Variants in LYG2 observed in about 807,000 individuals in gnomAD.
LYG2 encodes the protein lysozyme g2, also known as lysozyme g-like protein 2.
LYG2 carries 25 observed loss-of-function variants against 22.4 expected under a neutral mutation model. The observed-to-expected ratio is 1.12, with a 90% CI of 0.81 to 1.56. The LOEUF (loss-of-function observed/expected upper bound fraction) is 1.56, where lower values mean the gene tolerates loss of function less well. LYG2 is among the 40% of genes most tolerant of loss of function. The pLI is 0.00. For missense variants in LYG2, 266 were observed against 269.5 expected, an observed-to-expected ratio of 0.99 and a Z score of 0.09; for synonymous variants, 88 against 97.0, an observed-to-expected ratio of 0.91 and a Z score of 0.55.
chr2:99,258,961 A>T (rs543314900), upstream of LYG2, among the ~76,000 whole-genome samples: 72 of 152,360 alleles, frequency 4.7e-4, no homozygotes, highest in Admixed American at 1.4e-3. Context: ...ATTGGTAAAC[A>T]TCTTTACACA....
intron 3 of LYG2, 125 bp downstream of exon 3, chr2:99,254,093 A>C: frequency 2.4e-6 from 2 of 847,884 alleles, no homozygotes; most frequent in Non-Finnish European, 4.0e-6. Flanking sequence ...ATTAATGGCC[A>C]AGCTGGTCAG....
chr2:99,243,693 C>CTTTTTTTT (rs999579137), intron 6 of LYG2: 39 of 157,096 alleles, frequency 2.5e-4, no homozygotes, highest in East Asian at 3.3e-4. Context: ...CCATGCCCAG[C>CTTTTTTTT]TTTTTTTTTT....
chr2:99,246,833 A>G lies in LYG2; in HGVS notation c.44-13T>C. 6.2e-7 allele frequency: 1 copy of G among 1,605,318 alleles called. No individual in the cohort carries two copies. Among genetic ancestry groups the G allele is most frequent in the Admixed American group, 1.7e-5 (1 of 57,324 alleles). On this transcript the variant is annotated splice_polypyrimidine_tract_variant and intron_variant, in intron 3 of 6. Transcript: ENST00000333017. ...CCCCTGGAAGTGCCTAGGAGGCAGA[A>G]GTGTAACTCACATGAATCCTCTGAG... is the stretch of plus-strand genomic sequence containing the variant.
intron 6 of LYG2, chr2:99,243,436 G>T: frequency 6.5e-7 from 1 of 1,549,772 alleles, no homozygotes; most frequent in East Asian, 2.4e-5. Flanking sequence ...CAGACAATTT[G>T]GAAAGTTGTT....
chr2:99,243,469 A>G (rs2094009792), intron 6 of LYG2: 2 of 1,548,570 alleles, frequency 1.3e-6, no homozygotes, highest in Admixed American at 2.0e-5. Context: ...TAACAGGAAA[A>G]AACCTATGAG....
chr2:99,244,007 T>C lies in LYG2; in HGVS notation c.512A>G (p.His171Arg). ...KKFPTWSVAQ[H>R]LKGGLSAFKS... ...CTCAGAATACAGCCTACCTTTGAGG[T>C]GCTGAGCAACACTCCACGTGGGGAA... The change falls in exon 6 of 7, where the codon CAC (histidine) becomes CGC (arginine). Residue 171 changes from histidine (H) to arginine (R), a missense_variant. His to Arg is a conservative substitution (Grantham distance 29, BLOSUM62 0). Coordinates refer to ENST00000333017, the MANE Select transcript of LYG2 (RefSeq NM_175735.4). The C allele has an allele frequency of 6.2e-7, 1 of 1,614,066 alleles. No homozygotes were observed. Among genetic ancestry groups the C allele is most frequent in the Non-Finnish European group, 8.5e-7 (1 of 1,180,000 alleles).
intron 4 of LYG2, 21 bp downstream of exon 4, chr2:99,246,659 T>C: frequency 6.2e-7 from 1 of 1,603,934 alleles, no homozygotes; most frequent in Non-Finnish European, 8.5e-7. Context: ...AAGCCAGTCA[T>C]TTGCTCTGCT....
chr2:99,242,543 G>T, intron 6 of LYG2, 61 bp from the exon 7 acceptor site: 1 of 1,147,854 alleles, frequency 8.7e-7, no homozygotes, highest in Non-Finnish European at 1.3e-6. Context: ...TAAGCAATGA[G>T]CATTGCCAAG....
At position 99,244,072 on chromosome 2, in the gene LYG2, A is replaced by G; in HGVS notation, c.447T>C (p.Thr149=). Residue 149 remains threonine (T), a synonymous_variant, in exon 6 of 7, where the codon ACT becomes ACC. Coordinates refer to ENST00000333017, the MANE Select transcript of LYG2 (RefSeq NM_175735.4). ...CCTTAATTCTCTCTGTTAGAATCCC[A>G]GTAGCCTGTGAAAGGTGCTCTTTGC... is the stretch of plus-strand genomic sequence containing the variant. ...WDSKEHLSQA[T]GILTERIKAI... 1 of 1,614,084 alleles carries G rather than the reference A, an allele frequency of 6.2e-7. No homozygotes were observed. The highest frequency in any genetic ancestry group is 8.5e-7 in the Non-Finnish European group (1 of 1,179,980).
chr2:99,245,419 C>G lies in LYG2; in HGVS notation c.224G>C (p.Arg75Thr), dbSNP rs1292720244. The change falls in exon 5 of 7, where the codon AGG becomes ACG. Residue 75 changes from arginine to threonine, a missense_variant. Coordinates refer to ENST00000333017, the MANE Select transcript of LYG2 (RefSeq NM_175735.4). ...GSEMFAEMDL[R>T]AIKPYQTLIK... ...CAGAGTCTGGTAAGGTTTTATGGCC[C>G]TCAAATCCATCTCAGCAAACATTTC... The G allele has an allele frequency of 6.2e-7, 1 of 1,610,182 alleles. No individual in the cohort carries two copies. The highest frequency in any genetic ancestry group is 8.5e-7 in the Non-Finnish European group (1 of 1,178,084).
At position 99,245,159 on chromosome 2, in the gene LYG2, G is replaced by C. The variant is rs144152349; in HGVS notation, c.381+103C>G. The C allele has an allele frequency of 6.2e-4, 798 of 1,291,908 alleles. 5 individuals carry two copies. In the African/African-American group the frequency reaches 0.011, roughly 18 times the overall value. 80.0% of individuals were successfully genotyped at this position (1,291,908 alleles called of 1,614,324 possible). A position where few individuals can be genotyped will look rare whatever the true frequency, so the allele number is the denominator to read the frequency against. On this transcript the variant is annotated intron_variant, in intron 5 of 6. Coordinates refer to ENST00000333017, the MANE Select transcript of LYG2 (RefSeq NM_175735.4). ...TGGAGTACCTGTAGCCAGATGCCAG[G>C]GTATTTTGGGGCTTGGAAGCACTGC...
rs537047132 is a variant in LYG2, at chr2:99,245,379, C to G, written c.264G>C (p.Gly88=). The change falls in exon 5 of 7, where the codon GGG becomes GGC. Residue 88 remains glycine (G), a synonymous_variant. Coordinates refer to ENST00000333017, the MANE Select transcript of LYG2 (RefSeq NM_175735.4). ...KPYQTLIKEV[G]QRHCVDPAVI... ...CAGCAGGGTCCACGCAATGTCTCTG[C>G]CCGACTTCTTTGATCAGAGTCTGGT... 2.5e-5 allele frequency: 41 copies of G among 1,613,194 alleles called. No individual in the cohort carries two copies. In the Admixed American group the frequency reaches 5.7e-4, roughly 22 times the overall value.
chr2:99,249,325 C>T (rs2094022145), intron 3 of LYG2, among the ~76,000 whole-genome samples: 1 of 151,390 alleles, frequency 6.6e-6, no homozygotes, highest in South Asian at 2.1e-4. Context: ...GAGACTGAGA[C>T]AGGAAGATTG....
chr2:99,246,920 G>T, intron 3 of LYG2, 100 bp from the exon 4 acceptor site: 1 of 1,121,870 alleles, frequency 8.9e-7, no homozygotes, highest in Non-Finnish European at 1.3e-6. Context: ...GCCACAGACA[G>T]AACTCCCCAA....
the LYG2 span, among the ~76,000 whole-genome samples, chr2:99,261,204 T>C: frequency 1.3e-5 from 2 of 151,934 alleles, no homozygotes; most frequent in Non-Finnish European, 2.9e-5. Flanking sequence ...ACAAGTGAGA[T>C]GGAGTTTGGC....
intron 3 of LYG2, among the ~76,000 whole-genome samples, chr2:99,251,664 A>G (rs1574865151): frequency 6.6e-6 from 1 of 152,064 alleles, no homozygotes; most frequent in African/African-American, 2.4e-5. Flanking sequence ...CTCCATAGCA[A>G]TGGAGCACTT....
At chr2:99,247,009 A>G (rs2094017178) in intron 3 of LYG2, among the ~76,000 whole-genome samples, 189 bp from the exon 4 acceptor site, 1 of 152,232 alleles carries the variant, frequency 6.6e-6, no homozygotes, top group Admixed American at 6.5e-5. Context: ...TTTGTTTTGT[A>G]TTAACACAGG....
rs142688351 is a variant in LYG2, at chr2:99,244,110, C to T, written c.409G>A (p.Gly137Ser). 997 of 1,613,732 alleles carry T rather than the reference C, an allele frequency of 6.2e-4. 5 individuals are homozygous for T. The African/African-American group carries it at 0.011, about 18-fold the overall frequency. ...AGGTGCTCTTTGCTATCCCAGGCACCGACAGGGTGGTACGTTTGTTTATCA... is the reference window on the plus strand; with the variant it reads ...AGGTGCTCTTTGCTATCCCAGGCACTGACAGGGTGGTACGTTTGTTTATCA... ...QLDKQTYHPVGAWDSKEHLSQ... is the reference protein window; with the variant it reads ...QLDKQTYHPVSAWDSKEHLSQ... The change falls in exon 6 of 7, where the codon GGT becomes AGT. Residue 137 changes from glycine (G) to serine (S), a missense_variant. Physicochemically the swap from Gly to Ser is moderately conservative, Grantham distance 56. Coordinates refer to ENST00000333017, the MANE Select transcript of LYG2 (RefSeq NM_175735.4).
chr2:99,250,829 G>T (rs1354214721), intron 3 of LYG2, among the ~76,000 whole-genome samples: 1 of 152,226 alleles, frequency 6.6e-6, no homozygotes, highest in Non-Finnish European at 1.5e-5. Context: ...GCAAAGGACT[G>T]CAAACAACAC....
Sources: allele counts gnomAD v4.1 joint callset (sites outside exome capture counted in the v4.1 genomes callset), GRCh38; gene constraint gnomAD v4.1.1; transcripts MANE v1.5; gene names NCBI Gene and HGNC (gene_info 2026-07-23, HGNC 2026-07-21).